The following SLC35F4 variants were observed in gnomAD, a reference collection of about 807,000 sequenced individuals.
The protein encoded by SLC35F4 is solute carrier family 35 member F4.
Under a neutral mutation model 44.2 loss-of-function variants are expected in SLC35F4, and 24 were observed. The observed-to-expected ratio is 0.54, with a 90% confidence interval of 0.39 to 0.76. The LOEUF is 0.76. SLC35F4 is among the 30% of genes least tolerant of loss of function. The pLI is 0.00. For missense variants in SLC35F4, 562 were observed against 586.1 expected (o/e 0.96, Z 0.42); for synonymous variants, 238 against 223.6 (o/e 1.06, Z -0.57).
intron 1 of SLC35F4, among the ~76,000 whole-genome samples, chr14:57,744,872 G>A (rs2076713673): frequency 6.6e-6 from 1 of 152,150 alleles, no homozygotes; most frequent in Admixed American, 6.5e-5. Flanking sequence ...AAAACAGCAT[G>A]GTACTGGTAC....
intron 1 of SLC35F4, among the ~76,000 whole-genome samples, chr14:57,699,728 C>A (rs1399537748): frequency 2.0e-5 from 3 of 152,098 alleles, no homozygotes; most frequent in African/African-American, 7.2e-5. Flanking sequence ...AGTAAACAAG[C>A]CAACTAATAG....
chr14:57,705,654 C>T (rs1420499500), intron 1 of SLC35F4, among the ~76,000 whole-genome samples: 1 of 152,120 alleles, frequency 6.6e-6, no homozygotes. Context: ...ACTATTCTTT[C>T]CCTCTGCTTC....
chr14:57,745,808 A>C (rs2140533398), intron 1 of SLC35F4, among the ~76,000 whole-genome samples: 1 of 152,320 alleles, frequency 6.6e-6, no homozygotes, highest in South Asian at 2.1e-4. Context: ...GGCACTATTC[A>C]CAATAGCAAA....
chr14:57,659,929 G>A (rs1020509106), intron 1 of SLC35F4, among the ~76,000 whole-genome samples: 38 of 152,182 alleles, frequency 2.5e-4, no homozygotes, highest in Admixed American at 2.0e-3. Flanking sequence ...AAAGAAGCAT[G>A]AAGTTATGAG....
downstream of SLC35F4, among the ~76,000 whole-genome samples, chr14:57,976,453 T>G (rs1289578091): frequency 6.6e-6 from 1 of 152,230 alleles, no homozygotes; most frequent in Non-Finnish European, 1.5e-5. Flanking sequence ...CAGGAAGAGT[T>G]AGGTGGATGC....
chr14:57,786,607 G>A (rs2077767756), intron 1 of SLC35F4, among the ~76,000 whole-genome samples: 1 of 152,190 alleles, frequency 6.6e-6, no homozygotes, highest in South Asian at 2.1e-4. Flanking sequence ...TGCAGACAAT[G>A]CCCAGTACCA....
intron 1 of SLC35F4, among the ~76,000 whole-genome samples, chr14:57,772,360 TTTTG>T (rs551515826): frequency 6.8e-6 from 1 of 146,084 alleles, no homozygotes; most frequent in South Asian, 2.2e-4. Flanking sequence ...TCACTGTTTT[TTTTG>T]TTTGTTCTTT....
intron 1 of SLC35F4, among the ~76,000 whole-genome samples, chr14:57,599,697 C>T (rs948859713): frequency 1.3e-5 from 2 of 150,684 alleles, no homozygotes; most frequent in East Asian, 2.0e-4. Flanking sequence ...CAAAAATTCT[C>T]GTGTTGAGGC....
At chr14:57,885,543 C>T (rs1487780164) in intron 1 of SLC35F4, among the ~76,000 whole-genome samples, 1 of 152,192 alleles carries the variant, frequency 6.6e-6, no homozygotes, top group Non-Finnish European at 1.5e-5. Flanking sequence ...TTTCCCTCTT[C>T]CCTACACTGT....
At chr14:57,975,435 G>A (rs895993238), downstream of SLC35F4, among the ~76,000 whole-genome samples, 4 of 152,182 alleles carry the variant, frequency 2.6e-5, no homozygotes, top group African/African-American at 4.8e-5. Context: ...AAGACCACTC[G>A]TGGGAAAAGC....
At chr14:57,827,364 G>C (rs1883898566) in intron 1 of SLC35F4, among the ~76,000 whole-genome samples, 1 of 152,100 alleles carries the variant, frequency 6.6e-6, no homozygotes, top group Non-Finnish European at 1.5e-5. Flanking sequence ...CTGGGGGAGG[G>C]AGAGCATCAG....
intron 1 of SLC35F4, among the ~76,000 whole-genome samples, chr14:57,891,307 G>T (rs1239515698): frequency 6.6e-6 from 1 of 152,118 alleles, no homozygotes; most frequent in African/African-American, 2.4e-5. Flanking sequence ...GTTTTATGCA[G>T]TTACAACACT....
chr14:57,691,356 G>T (rs1262580895), intron 1 of SLC35F4, among the ~76,000 whole-genome samples: 2 of 152,144 alleles, frequency 1.3e-5, no homozygotes, highest in African/African-American at 4.8e-5. Context: ...ACTGCAGTCT[G>T]CAACCAAGGA....
intron 1 of SLC35F4, among the ~76,000 whole-genome samples, chr14:57,823,066 G>T (rs2140915150): frequency 6.6e-6 from 1 of 152,210 alleles, no homozygotes; most frequent in East Asian, 1.9e-4. Context: ...AACAGAATCA[G>T]ATCATGACAC....
At chr14:57,961,624 A>G (rs1181628045) in intron 1 of SLC35F4, among the ~76,000 whole-genome samples, 1 of 152,216 alleles carries the variant, frequency 6.6e-6, no homozygotes, top group Non-Finnish European at 1.5e-5. Flanking sequence ...TAAGATGCCT[A>G]TAATTCCTGG....
intron 1 of SLC35F4, among the ~76,000 whole-genome samples, chr14:57,615,509 C>T (rs1160408928): frequency 6.6e-6 from 1 of 151,950 alleles, no homozygotes; most frequent in East Asian, 1.9e-4. Flanking sequence ...ATCCATGGCA[C>T]ACAATGTAAA....
intron 1 of SLC35F4, among the ~76,000 whole-genome samples, chr14:57,726,303 G>GA (rs1046347900): frequency 2.0e-5 from 3 of 151,678 alleles, no homozygotes; most frequent in African/African-American, 4.8e-5. Context: ...CACTCTACCA[G>GA]AAAAAAAACC....
intron 1 of SLC35F4, among the ~76,000 whole-genome samples, chr14:57,688,237 A>C (rs1423723269): frequency 6.6e-6 from 1 of 151,942 alleles, no homozygotes; most frequent in Non-Finnish European, 1.5e-5. Context: ...AGATAGAGGA[A>C]AAAAAAAGGT....
At position 57,759,670 on chromosome 14, in the gene SLC35F4, A is replaced by C. The variant is rs143303130; in HGVS notation, c.103+106053T>G. The stretch of plus-strand genomic sequence containing the variant: ...CTCAGTAGCAGTGTACAAGGTTTCC[A>C]ATGTCTCCAAACTCTTGCCAACACT... On this transcript the variant is annotated intron_variant, in intron 1 of 7. Coordinates refer to ENST00000556826, the MANE Select transcript of SLC35F4 (RefSeq NM_001306087.2). Among the ~76,000 whole-genome samples, 880 of 152,324 alleles carry C rather than the reference A, an allele frequency of 5.8e-3. 5 individuals carry two copies. Among genetic ancestry groups the C allele is most frequent in the African/African-American group, 0.02 (832 of 41,580 alleles).
Sources: gnomAD v4.1 joint callset for allele counts (sites outside exome capture counted in the v4.1 genomes callset) on GRCh38, gnomAD v4.1.1 for gene constraint, MANE v1.5 for transcripts, NCBI Gene and HGNC (gene_info 2026-07-23, HGNC 2026-07-21) for gene names.